Variants in RBFOX3 observed in about 807,000 individuals in gnomAD.
RBFOX3 encodes the protein RNA binding fox-1 homolog 3.
A neutral mutation model predicts 48.7 loss-of-function variants in RBFOX3; 17 were observed. That is an observed-to-expected ratio of 0.35 (90% CI 0.24 to 0.52). The LOEUF is 0.52. RBFOX3 is among the 20% of genes least tolerant of loss of function. RBFOX3 has a pLI of 0.94. For missense variants in RBFOX3, 382 were observed against 497.5 expected, an observed-to-expected ratio of 0.77 and a Z score of 2.21; for synonymous variants, 212 against 209.5, an observed-to-expected ratio of 1.01 and a Z score of -0.10.
chr17:79,149,522 G>A (rs1435189095), intron 4 of RBFOX3, among the ~76,000 whole-genome samples: 1 of 152,160 alleles, frequency 6.6e-6, no homozygotes, highest in Non-Finnish European at 1.5e-5. Flanking sequence ...CTGTGGGGAG[G>A]AGCTTCAGGC....
chr17:79,369,870 CT>C (rs1293654459), intron 2 of RBFOX3, among the ~76,000 whole-genome samples: 2 of 152,204 alleles, frequency 1.3e-5, no homozygotes, highest in Admixed American at 1.3e-4. Context: ...CCCTCTTTCC[CT>C]CTCAAAGAAG....
In RBFOX3 at chr17:79,381,154, G is replaced by A. The variant is rs774235124; in HGVS notation, c.-174-73330C>T. On this transcript the variant is annotated intron_variant, in intron 2 of 14. Coordinates refer to ENST00000693108, the MANE Select transcript of RBFOX3 (RefSeq NM_001350451.2). ...GTGTGCCTGTGGTTCCAGCTACTCA[G>A]GAGGCTGAGGCAGGAGAATCGCTTG... Among the ~76,000 whole-genome samples, 63 of 152,050 alleles carry A rather than the reference G, an allele frequency of 4.1e-4. 1 individual carries two copies. Among genetic ancestry groups the A allele is most frequent in the Admixed American group, 2.6e-4 (4 of 15,270 alleles).
chr17:79,102,546 C>T (rs1338168384), intron 8 of RBFOX3, among the ~76,000 whole-genome samples: 2 of 152,232 alleles, frequency 1.3e-5, no homozygotes, highest in South Asian at 2.1e-4. Context: ...GGAACACAGC[C>T]CACTGGCACT....
chr17:79,528,508 C>A (rs889131720), intron 1 of RBFOX3, among the ~76,000 whole-genome samples: 165 of 152,186 alleles, frequency 1.1e-3, no homozygotes, highest in African/African-American at 3.6e-3. Flanking sequence ...TGAGGGGGAT[C>A]TTAATTGAAC....
At chr17:79,121,273 C>A (rs780033205) in intron 4 of RBFOX3, among the ~76,000 whole-genome samples, 1 of 152,096 alleles carries the variant, frequency 6.6e-6, no homozygotes. Flanking sequence ...TCTGGCAATT[C>A]GCCCCTTGCA....
intron 1 of RBFOX3, among the ~76,000 whole-genome samples, chr17:79,592,530 G>T (rs1298795706): frequency 6.6e-6 from 1 of 152,032 alleles, no homozygotes; most frequent in East Asian, 1.9e-4. Flanking sequence ...TGGGCAACTG[G>T]AGCTGGATCC....
intron 2 of RBFOX3, among the ~76,000 whole-genome samples, chr17:79,429,082 C>T (rs2067943193): frequency 6.6e-6 from 1 of 152,222 alleles, no homozygotes; most frequent in African/African-American, 2.4e-5. Context: ...GCTGTTGATG[C>T]CAACAACACC....
chr17:79,337,149 G>C (rs147418857), intron 2 of RBFOX3, among the ~76,000 whole-genome samples: 92 of 152,068 alleles, frequency 6.0e-4, no homozygotes, highest in African/African-American at 2.2e-3. Flanking sequence ...CTCTTATTTC[G>C]ATAGTCCTGA....
At chr17:79,115,460 C>T in intron 5 of RBFOX3, 34 bp downstream of exon 5, 1 of 1,271,962 alleles carries the variant, frequency 7.9e-7, no homozygotes, top group African/African-American at 1.6e-5. Flanking sequence ...CCCTGAAGCT[C>T]CAGGGCTGGG....
chr17:79,364,965 A>G lies in RBFOX3; in HGVS notation c.-174-57141T>C, dbSNP rs1403534448. Among the ~76,000 whole-genome samples the G allele has an allele frequency of 1.3e-5, 2 of 152,136 alleles. No individual in the cohort carries two copies. Among genetic ancestry groups the G allele is most frequent in the Admixed American group, 6.5e-5 (1 of 15,284 alleles). Reference sequence around the variant, plus strand: ...GCAGTGCTTGGGCAGCAGTCAGCCCAAGGCTCAGAAAGGCAGCATCCAAGC... The same window carrying G: ...GCAGTGCTTGGGCAGCAGTCAGCCCGAGGCTCAGAAAGGCAGCATCCAAGC... On this transcript the variant is annotated intron_variant, in intron 2 of 14. Transcript: ENST00000693108. The surrounding 1 kb of genome is among the most constrained non-coding windows in gnomAD (Gnocchi z 5.1).
In RBFOX3 at chr17:79,181,217, G is replaced by C. The variant is rs138098486; in HGVS notation, c.-34+54549C>G. 4.5e-4 allele frequency among the ~76,000 whole-genome samples: 68 copies of C among 152,292 alleles called. 1 individual carries two copies. In the East Asian group the frequency reaches 0.011, roughly 25 times the overall value. On this transcript the variant is annotated intron_variant, in intron 4 of 14. Coordinates refer to ENST00000693108, the MANE Select transcript of RBFOX3 (RefSeq NM_001350451.2). Reference sequence around the variant, plus strand: ...CAACAGAATCAATAAACCATGGATTGGTCTCCAGACCAGGACCCTTACTCT... The same window carrying C: ...CAACAGAATCAATAAACCATGGATTCGTCTCCAGACCAGGACCCTTACTCT...
At chr17:79,217,203 C>T (rs1431132789) in intron 4 of RBFOX3, among the ~76,000 whole-genome samples, 1 of 152,240 alleles carries the variant, frequency 6.6e-6, no homozygotes, top group African/African-American at 2.4e-5. Flanking sequence ...CTGTCCCCTT[C>T]ACAATGAGCA....
In RBFOX3 at chr17:79,104,055, G is replaced by C. The variant is rs1265859739; in HGVS notation, c.414+18C>G. On this transcript the variant is annotated intron_variant, in intron 7 of 14. Coordinates refer to ENST00000693108, the MANE Select transcript of RBFOX3 (RefSeq NM_001350451.2). ...CTACAGCCGGCGCTGTAAGGCGGCA[G>C]CTCCGTGCGGCACCCACCTTGGAGC... is the stretch of plus-strand genomic sequence containing the variant. 17 of 1,548,966 alleles carry C rather than the reference G, an allele frequency of 1.1e-5. No individual in the cohort carries two copies. In the East Asian group the frequency reaches 4.2e-4, roughly 38 times the overall value.
rs1410252629 is a variant in RBFOX3, at chr17:79,480,480, G to A, written c.-175+1974C>T. ...TCAATCCCTCACTCAGAGCCCTGCA[G>A]TGGCTCCCACCACCCTTAAGACAAA... On this transcript the variant is annotated intron_variant, in intron 2 of 14. Coordinates refer to ENST00000693108, the MANE Select transcript of RBFOX3 (RefSeq NM_001350451.2). This position sits in a 1 kb window ranked among gnomAD's most constrained non-coding sequence, Gnocchi z 4.8. 1.3e-5 allele frequency among the ~76,000 whole-genome samples: 2 copies of A among 152,120 alleles called. No homozygotes were observed. The highest frequency in any genetic ancestry group is 2.9e-5 in the Non-Finnish European group (2 of 68,018).
At chr17:79,114,599 G>A (rs899378808) in intron 5 of RBFOX3, among the ~76,000 whole-genome samples, 6 of 152,350 alleles carry the variant, frequency 3.9e-5, no homozygotes, top group East Asian at 1.9e-4. Context: ...TGAGGCAGTC[G>A]GGAGGGGGAC....
At chr17:79,224,003 GA>G (rs2060032684) in intron 4 of RBFOX3, among the ~76,000 whole-genome samples, 1 of 152,160 alleles carries the variant, frequency 6.6e-6, no homozygotes, top group African/African-American at 2.4e-5. Context: ...AAGCACGATG[GA>G]AGGCAGGCTT....
intron 3 of RBFOX3, among the ~76,000 whole-genome samples, chr17:79,286,359 A>T (rs960917305): frequency 2.6e-5 from 4 of 152,142 alleles, no homozygotes; most frequent in African/African-American, 9.7e-5. Context: ...TGCCATCTGC[A>T]GTTCTGCCCC....
At chr17:79,598,785 T>A (rs1201668989) in intron 1 of RBFOX3, 3 of 152,202 alleles carry the variant, frequency 2.0e-5, no homozygotes, top group African/African-American at 7.2e-5. Flanking sequence ...GACTCTTGCC[T>A]TCCTTTTTGA....
chr17:79,457,650 C>T (rs975178965), intron 2 of RBFOX3, among the ~76,000 whole-genome samples: 3 of 152,208 alleles, frequency 2.0e-5, no homozygotes, highest in Non-Finnish European at 4.4e-5. Context: ...CTGGTCTCTG[C>T]TCCCAAAGAG....
Sources: allele counts gnomAD v4.1 joint callset (sites outside exome capture counted in the v4.1 genomes callset), GRCh38; gene constraint gnomAD v4.1.1; non-coding constraint Gnocchi (gnomAD v3.1); transcripts MANE v1.5; gene names NCBI Gene and HGNC (gene_info 2026-07-23, HGNC 2026-07-21).